C6orf118: variants seen among roughly 807,000 people sequenced by gnomAD.
C6orf118 encodes chromosome 6 open reading frame 118, also known as uncharacterized protein C6orf118.
C6orf118 carries 50 observed loss-of-function variants against 50.2 expected under a neutral mutation model. That is an observed-to-expected ratio of 1.00 (90% CI 0.79 to 1.26). The LOEUF is 1.26. Ranked by LOEUF, C6orf118 falls within the 50% of genes most tolerant of loss-of-function variation. The probability of loss-of-function intolerance (pLI) is 0.00; values close to 1 mark genes in which losing one functional copy is unlikely to be tolerated. For missense variants in C6orf118, 641 were observed against 578.7 expected (o/e 1.11, Z -1.10); for synonymous variants, 239 against 230.9 (o/e 1.03, Z -0.32).
chr6:165,281,389 A>G, intron 8 of C6orf118: 1 of 604,738 alleles, frequency 1.7e-6, no homozygotes, highest in Non-Finnish European at 2.4e-6. Flanking sequence ...GAACCCTTCA[A>G]AGGTCTATCT....
At chr6:165,298,139 C>T (rs1780381953) in intron 4 of C6orf118, 38 bp from the exon 5 acceptor site, 1 of 1,529,056 alleles carries the variant, frequency 6.5e-7, no homozygotes, top group Non-Finnish European at 8.7e-7. Flanking sequence ...GACAAGCACA[C>T]AGGGAGGGCG....
chr6:165,289,180 AAAAAAG>A (rs915980185), intron 7 of C6orf118, among the ~76,000 whole-genome samples: 4 of 151,518 alleles, frequency 2.6e-5, no homozygotes, highest in South Asian at 4.1e-4. Flanking sequence ...CCTCCAAAAA[AAAAAAG>A]AAAAAGAAAA....
At chr6:165,296,643 A>G (rs1780321478) in intron 5 of C6orf118, among the ~76,000 whole-genome samples, 1 of 152,224 alleles carries the variant, frequency 6.6e-6, no homozygotes, top group Non-Finnish European at 1.5e-5. Flanking sequence ...CCCAAACAAA[A>G]GACTTGGTCC....
At chr6:165,296,266 T>G (rs866757543) in intron 5 of C6orf118, among the ~76,000 whole-genome samples, 25 of 147,110 alleles carry the variant, frequency 1.7e-4, no homozygotes, top group East Asian at 4.0e-4. Flanking sequence ...TTTTTTTTTT[T>G]TTTTTTTTTT....
At chr6:165,307,537 G>A (rs1200620539) in intron 1 of C6orf118, among the ~76,000 whole-genome samples, 1 of 146,974 alleles carries the variant, frequency 6.8e-6, no homozygotes, top group Non-Finnish European at 1.5e-5. Context: ...CAGCCTGGAC[G>A]ACAGAGTGAG....
intron 4 of C6orf118, among the ~76,000 whole-genome samples, chr6:165,298,374 G>T (rs1306747379): frequency 6.6e-6 from 1 of 152,300 alleles, no homozygotes; most frequent in Non-Finnish European, 1.5e-5. Context: ...CTGTTGGCCC[G>T]TGTGGGGGGA....
intron 6 of C6orf118, 199 bp downstream of exon 6, chr6:165,293,214 A>G: frequency 3.5e-6 from 2 of 564,906 alleles, no homozygotes; most frequent in Non-Finnish European, 6.5e-6. Context: ...AAAGATGAAG[A>G]ACAAACAGGC....
Position 165,301,812 on chromosome 6 carries a change from T to TCCAGGAGGGCCCCGC in C6orf118, c.509_510insGCGGGGCCCTCCTGG (p.Arg166_Gly170dup). 6.2e-7 allele frequency: 1 copy of TCCAGGAGGGCCCCGC among 1,613,850 alleles called. No individual in the cohort carries two copies. Reference sequence around the variant, plus strand: ...GCCGGAGTTCTTCCCTCCTGCGCCATCCAGGAGGGCCCCGTCCAGGAGGGC... The same window carrying TCCAGGAGGGCCCCGC: ...GCCGGAGTTCTTCCCTCCTGCGCCATCCAGGAGGGCCCCGCCCAGGAGGGCCCCGTCCAGGAGGGC... On this transcript the variant is annotated inframe_insertion, in exon 2 of 9. Coordinates refer to ENST00000230301, the MANE Select transcript of C6orf118 (RefSeq NM_144980.4).
At chr6:165,303,682 AC>A (rs1780644126) in intron 1 of C6orf118, among the ~76,000 whole-genome samples, 1 of 77,208 alleles carries the variant, frequency 1.3e-5, no homozygotes, top group Non-Finnish European at 2.3e-5. Flanking sequence ...ATCAGAGAAT[AC>A]TACAAACACC....
intron 7 of C6orf118, among the ~76,000 whole-genome samples, chr6:165,283,907 G>C (rs1779821456): frequency 6.6e-6 from 1 of 152,168 alleles, no homozygotes; most frequent in Non-Finnish European, 1.5e-5. Flanking sequence ...CAAAAAACCA[G>C]AGTGCCTCTT....
At chr6:165,299,674 C>A (rs1183373642) in intron 3 of C6orf118, among the ~76,000 whole-genome samples, 172 bp from the exon 4 acceptor site, 1 of 152,202 alleles carries the variant, frequency 6.6e-6, no homozygotes. Flanking sequence ...TTGATAAAAT[C>A]ACACCATCTT....
chr6:165,305,068 A>C (rs1780675829), intron 1 of C6orf118, among the ~76,000 whole-genome samples: 1 of 77,484 alleles, frequency 1.3e-5, no homozygotes, highest in Non-Finnish European at 2.3e-5. Context: ...CCTGACTTCA[A>C]ACTATACTAC....
chr6:165,291,351 A>G (rs1780098215), intron 6 of C6orf118, among the ~76,000 whole-genome samples: 1 of 152,198 alleles, frequency 6.6e-6, no homozygotes, highest in African/African-American at 2.4e-5. Flanking sequence ...AAAGAAAACA[A>G]TGAGTTCAAT....
rs546290855 is a variant in C6orf118, at chr6:165,308,463, C to T, written c.25+1099G>A. On this transcript the variant is annotated intron_variant, in intron 1 of 8. Transcript: ENST00000230301. ...GGCCAGGGCCCCTGCTGACAACCCA[C>T]AATTCCCCCACCACAAGCGACAGGG... 2.0e-5 allele frequency among the ~76,000 whole-genome samples: 3 copies of T among 152,216 alleles called. No homozygotes were observed. In the South Asian group the frequency reaches 6.2e-4, roughly 32 times the overall value.
chr6:165,298,770 C>T (rs971115086), intron 4 of C6orf118, among the ~76,000 whole-genome samples: 1 of 152,236 alleles, frequency 6.6e-6, no homozygotes, highest in African/African-American at 2.4e-5. Context: ...ATGGTACTCA[C>T]ATCTTATTTT....
chr6:165,280,911 T>A (rs907508486), intron 8 of C6orf118, among the ~76,000 whole-genome samples: 1 of 152,182 alleles, frequency 6.6e-6, no homozygotes, highest in Non-Finnish European at 1.5e-5. Flanking sequence ...TTCCTGTTGA[T>A]ACAAATAAGC....
intron 6 of C6orf118, among the ~76,000 whole-genome samples, chr6:165,292,092 A>C (rs1780124300): frequency 6.6e-6 from 1 of 152,214 alleles, no homozygotes; most frequent in African/African-American, 2.4e-5. Flanking sequence ...CTACAAAATA[A>C]AGTATTTGTT....
intron 7 of C6orf118, among the ~76,000 whole-genome samples, chr6:165,282,725 TG>T (rs1476713623): frequency 1.4e-5 from 2 of 147,612 alleles, no homozygotes; most frequent in African/African-American, 5.0e-5. Flanking sequence ...AGAATAACAA[TG>T]GCAATTCTAT....
intron 6 of C6orf118, 105 bp downstream of exon 6, chr6:165,293,308 A>G: frequency 9.9e-6 from 10 of 1,011,226 alleles, no homozygotes; most frequent in Non-Finnish European, 1.6e-5. Flanking sequence ...CAGAGGGAGC[A>G]TCAGCATCTT....
Sources: gnomAD v4.1 joint callset for allele counts (sites outside exome capture counted in the v4.1 genomes callset) on GRCh38, gnomAD v4.1.1 for gene constraint, MANE v1.5 for transcripts, NCBI Gene and HGNC (gene_info 2026-07-23, HGNC 2026-07-21) for gene names.